GPC5: variants seen among roughly 807,000 people sequenced by gnomAD.
GPC5 encodes glypican-5.
Under a neutral mutation model 53.9 loss-of-function variants are expected in GPC5, and 47 were observed. That is an observed-to-expected ratio of 0.87 (90% CI 0.69 to 1.11). The LOEUF is 1.11. Ranked by LOEUF, GPC5 falls within the 50% of genes most tolerant of loss-of-function variation. GPC5 has a pLI of 0.00. For missense variants in GPC5, 748 were observed against 713.1 expected (o/e 1.05, Z -0.56); for synonymous variants, 286 against 263.3 (o/e 1.09, Z -0.84).
chr13:92,031,036 T>C (rs889182373), intron 6 of GPC5, among the ~76,000 whole-genome samples: 3 of 152,112 alleles, frequency 2.0e-5, no homozygotes, highest in Non-Finnish European at 4.4e-5. Flanking sequence ...TTTTGGTCCC[T>C]CTTTGTGATC....
At chr13:91,723,676 C>T (rs936496461) in intron 3 of GPC5, among the ~76,000 whole-genome samples, 1 of 152,036 alleles carries the variant, frequency 6.6e-6, no homozygotes, top group Non-Finnish European at 1.5e-5. Flanking sequence ...TTCCCTTTTC[C>T]TCTCTGATTT....
intron 6 of GPC5, among the ~76,000 whole-genome samples, chr13:91,959,501 T>C (rs774351075): frequency 2.9e-4 from 44 of 151,896 alleles, no homozygotes; most frequent in South Asian, 4.2e-4. Context: ...CTCAAACTGT[T>C]CCAAAAACAT....
In GPC5 at chr13:92,537,079, A is replaced by G. The variant is rs183248623; in HGVS notation, c.1562-329203A>G. 8.5e-5 allele frequency among the ~76,000 whole-genome samples: 13 copies of G among 152,262 alleles called. No homozygotes were observed. The East Asian group carries it at 2.5e-3, about 29-fold the overall frequency. Reference sequence around the variant, plus strand: ...GGGGTATTCTAAGAACTGTTACCACATTTAAAATTCCATATCTAAAGCAGT... The same window carrying G: ...GGGGTATTCTAAGAACTGTTACCACGTTTAAAATTCCATATCTAAAGCAGT... On this transcript the variant is annotated intron_variant, in intron 7 of 7. Coordinates refer to ENST00000377067, the MANE Select transcript of GPC5 (RefSeq NM_004466.6).
At chr13:91,749,011 G>A (rs1271438351) in intron 4 of GPC5, among the ~76,000 whole-genome samples, 1 of 152,046 alleles carries the variant, frequency 6.6e-6, no homozygotes, top group Non-Finnish European at 1.5e-5. Context: ...CTTACGCCAT[G>A]GCAAGACATT....
chr13:91,564,999 G>GGT (rs1056376901), intron 2 of GPC5, among the ~76,000 whole-genome samples: 3 of 149,948 alleles, frequency 2.0e-5, no homozygotes, highest in Non-Finnish European at 4.5e-5. Flanking sequence ...TTTTTGGGGG[G>GGT]GGGTCGGTGG....
intron 7 of GPC5, among the ~76,000 whole-genome samples, chr13:92,725,432 A>T (rs565016113): frequency 6.6e-6 from 1 of 151,670 alleles, no homozygotes; most frequent in Admixed American, 6.6e-5. Flanking sequence ...TGAAAAAAAC[A>T]CTTTCTTCTT....
At chr13:92,853,362 TC>T (rs1397175902) in intron 7 of GPC5, among the ~76,000 whole-genome samples, 1 of 152,172 alleles carries the variant, frequency 6.6e-6, no homozygotes, top group Non-Finnish European at 1.5e-5. Flanking sequence ...TTGTGGTTAA[TC>T]TCTTACTGTG....
chr13:92,095,376 C>T (rs759384848), intron 6 of GPC5, among the ~76,000 whole-genome samples: 5 of 151,796 alleles, frequency 3.3e-5, no homozygotes, highest in Admixed American at 6.6e-5. Flanking sequence ...TAGATGGTGT[C>T]TCTCTTCGTC....
At chr13:92,438,635 C>T (rs953718969) in intron 7 of GPC5, among the ~76,000 whole-genome samples, 3 of 152,018 alleles carry the variant, frequency 2.0e-5, no homozygotes, top group Non-Finnish European at 2.9e-5. Context: ...AGAACTTGAG[C>T]GAGTGAGACC....
At chr13:91,621,505 C>T (rs1381806886) in intron 2 of GPC5, among the ~76,000 whole-genome samples, 3 of 151,862 alleles carry the variant, frequency 2.0e-5, no homozygotes, top group African/African-American at 4.8e-5. Flanking sequence ...GTTGGAATAG[C>T]AAAGCTCTCT....
intron 2 of GPC5, among the ~76,000 whole-genome samples, chr13:91,492,893 C>T (rs1884017498): frequency 6.6e-6 from 1 of 152,148 alleles, no homozygotes; most frequent in Middle Eastern, 3.2e-3. Flanking sequence ...AAAACAACTC[C>T]AAAATGTTAG....
At chr13:91,604,318 T>A (rs1394903673) in intron 2 of GPC5, among the ~76,000 whole-genome samples, 6 of 147,480 alleles carry the variant, frequency 4.1e-5, no homozygotes, top group African/African-American at 1.5e-4. Context: ...TTCCATGGTG[T>A]ATATGTGCCA....
chr13:92,251,856 C>T (rs1029846014), intron 7 of GPC5, among the ~76,000 whole-genome samples: 4 of 152,188 alleles, frequency 2.6e-5, no homozygotes, highest in Middle Eastern at 3.4e-3. Context: ...ATTTTTAAAT[C>T]ACGTGTGATC....
intron 6 of GPC5, among the ~76,000 whole-genome samples, chr13:91,985,390 T>G (rs2040397500): frequency 1.3e-5 from 2 of 150,724 alleles, no homozygotes; most frequent in South Asian, 2.1e-4. Flanking sequence ...TTTTTACTAG[T>G]GTGACAATCT....
intron 7 of GPC5, among the ~76,000 whole-genome samples, chr13:92,565,158 C>A (rs1425598690): frequency 6.6e-6 from 1 of 151,918 alleles, no homozygotes; most frequent in Non-Finnish European, 1.5e-5. Flanking sequence ...TCTGAAATAG[C>A]AAGCTTTAAA....
At chr13:91,852,402 A>T (rs926845080) in intron 5 of GPC5, among the ~76,000 whole-genome samples, 8 of 152,030 alleles carry the variant, frequency 5.3e-5, no homozygotes, top group African/African-American at 1.9e-4. Flanking sequence ...TTCATTTCCT[A>T]TGATAATAGT....
chr13:92,218,537 C>A (rs190240159), intron 7 of GPC5, among the ~76,000 whole-genome samples: 2 of 152,148 alleles, frequency 1.3e-5, no homozygotes, highest in South Asian at 2.1e-4. Context: ...ATTTGTACCT[C>A]CTCTTTCACC....
chr13:91,833,332 C>T (rs2038685260), intron 5 of GPC5, among the ~76,000 whole-genome samples: 1 of 152,088 alleles, frequency 6.6e-6, no homozygotes, highest in Non-Finnish European at 1.5e-5. Context: ...AGAGCTGGTA[C>T]CATTATTTCT....
At chr13:91,766,021 A>C (rs900081478) in intron 5 of GPC5, among the ~76,000 whole-genome samples, 14 of 152,246 alleles carry the variant, frequency 9.2e-5, no homozygotes, top group African/African-American at 3.4e-4. Flanking sequence ...TAACACAATA[A>C]AAATAACTTT....
Sources: allele counts gnomAD v4.1 joint callset (sites outside exome capture counted in the v4.1 genomes callset), GRCh38; gene constraint gnomAD v4.1.1; transcripts MANE v1.5; gene names NCBI Gene and HGNC (gene_info 2026-07-23, HGNC 2026-07-21).